Variants in DLC1 observed in about 807,000 individuals in gnomAD.
DLC1 encodes rho GTPase-activating protein 7.
In DLC1, 54 loss-of-function variants were observed where a neutral mutation model predicts 140.3. The observed-to-expected ratio is 0.38, with a 90% CI of 0.31 to 0.48. DLC1 has a LOEUF of 0.48. Among genes scored for constraint, DLC1 ranks in the 20% least tolerant of loss-of-function variants. The pLI is 0.96. For missense variants in DLC1, 2,536 were observed against 1,907.0 expected (o/e 1.33, Z -6.14); for synonymous variants, 986 against 728.1 (o/e 1.35, Z -5.70).
At chr8:13,568,675 T>C (rs1236264633) in intron 1 of DLC1, among the ~76,000 whole-genome samples, 1 of 152,080 alleles carries the variant, frequency 6.6e-6, no homozygotes, top group Non-Finnish European at 1.5e-5. Context: ...CAGAAAAGAT[T>C]GTGAAAAAAG....
chr8:13,391,401 C>G (rs1836755940), intron 4 of DLC1, among the ~76,000 whole-genome samples: 2 of 152,076 alleles, frequency 1.3e-5, no homozygotes, highest in South Asian at 2.1e-4. Flanking sequence ...TCCAAGTTAA[C>G]ATATTTTCAG....
intron 5 of DLC1, among the ~76,000 whole-genome samples, chr8:13,293,941 G>T (rs1831853090): frequency 6.6e-6 from 1 of 152,276 alleles, no homozygotes; most frequent in South Asian, 2.1e-4. Context: ...ATATAGTTCT[G>T]TAGCCAAAAA....
chr8:13,569,528 ATAATTT>A (rs1804572966), intron 1 of DLC1, among the ~76,000 whole-genome samples: 1 of 152,154 alleles, frequency 6.6e-6, no homozygotes, highest in Non-Finnish European at 1.5e-5. Context: ...AAAATTCTGA[ATAATTT>A]TCCCTTTAGA....
intron 5 of DLC1, chr8:13,133,132 C>A (rs1822263199): frequency 2.1e-6 from 3 of 1,457,874 alleles, no homozygotes; most frequent in East Asian, 5.0e-5. Flanking sequence ...CCCCTCGTCA[C>A]GGCCCCAGAA....
chr8:13,201,921 GTTTT>G lies in DLC1; in HGVS notation c.1349-86268_1349-86265del, dbSNP rs35475930. ...AGGTACTAAGTCTAGTACCCAAAAG[GTTTT>G]TTTTTTTTTTTTTTTTTTGGTTGGT... On this transcript the variant is annotated intron_variant, in intron 5 of 17. Coordinates refer to ENST00000276297, the MANE Select transcript of DLC1 (RefSeq NM_182643.3). Among the ~76,000 whole-genome samples, 233 of 101,752 alleles carry G rather than the reference GTTTT, an allele frequency of 2.3e-3. 1 individual carries two copies. Among genetic ancestry groups the G allele is most frequent in the African/African-American group, 7.4e-3 (203 of 27,550 alleles). 66.8% of individuals were successfully genotyped at this position (101,752 alleles called of 152,430 possible).
intron 5 of DLC1, among the ~76,000 whole-genome samples, chr8:13,143,813 TGAGAGAGAGAGAGAGAGAGAGAGA>T (rs35079610): frequency 2.3e-5 from 3 of 128,642 alleles, no homozygotes; most frequent in Non-Finnish European, 4.8e-5. Flanking sequence ...AATGAAAAGC[TGAGAGAGAGAGAGAGAGAGAGAGA>T]GAGAGAGAGA....
At chr8:13,088,434 G>C in intron 16 of DLC1, 53 bp downstream of exon 16, 1 of 1,567,666 alleles carries the variant, frequency 6.4e-7, no homozygotes, top group South Asian at 1.1e-5. Flanking sequence ...ATATAGGCTT[G>C]GTTCATATAT....
chr8:13,352,316 A>G (rs1200159771), intron 4 of DLC1, among the ~76,000 whole-genome samples: 1 of 152,352 alleles, frequency 6.6e-6, no homozygotes, highest in South Asian at 2.1e-4. Flanking sequence ...ATTCAGCTTC[A>G]TAAGTGCATT....
chr8:13,268,772 A>C (rs1407728668), intron 5 of DLC1, among the ~76,000 whole-genome samples: 3 of 151,804 alleles, frequency 2.0e-5, no homozygotes, highest in African/African-American at 7.3e-5. Flanking sequence ...TCTTGGCTCC[A>C]TGAGGGGAAG....
chr8:13,441,369 C>A (rs1259876504), intron 2 of DLC1, among the ~76,000 whole-genome samples: 1 of 152,082 alleles, frequency 6.6e-6, no homozygotes, highest in Non-Finnish European at 1.5e-5. Context: ...GGCAATCAGG[C>A]AGGAGAAGGA....
chr8:13,573,919 C>T (rs113080009), intron 1 of DLC1, among the ~76,000 whole-genome samples: 207 of 152,258 alleles, frequency 1.4e-3, no homozygotes, highest in African/African-American at 4.9e-3. Context: ...TTGTGAGCAA[C>T]GCAAGTGTAG....
intron 1 of DLC1, among the ~76,000 whole-genome samples, chr8:13,546,001 C>G (rs114105440): frequency 6.6e-6 from 1 of 151,948 alleles, no homozygotes; most frequent in Non-Finnish European, 1.5e-5. Flanking sequence ...TAGATACGTG[C>G]GTTGGCTTCC....
At chr8:13,350,436 C>G (rs1345518260) in intron 4 of DLC1, among the ~76,000 whole-genome samples, 1 of 152,072 alleles carries the variant, frequency 6.6e-6, no homozygotes, top group Non-Finnish European at 1.5e-5. Context: ...AAACACCAGG[C>G]CAGGCGTGGT....
At chr8:13,307,985 A>C (rs181267917) in intron 4 of DLC1, among the ~76,000 whole-genome samples, 284 of 152,320 alleles carry the variant, frequency 1.9e-3, no homozygotes, top group African/African-American at 6.6e-3. Context: ...TTTGTATGAG[A>C]CATTTAGGCA....
At position 13,567,314 on chromosome 8, in the gene DLC1, C is replaced by A. The variant is rs970878319; in HGVS notation, c.-126+37223G>T. The A allele has an allele frequency of 1.9e-6, 3 of 1,551,662 alleles. No individual in the cohort carries two copies. In the South Asian group the frequency reaches 3.6e-5, roughly 18 times the overall value. ...CGGCACCAACCAGACACCAAACTTC[C>A]AACAGAAATCACTCGGGTATCAGAT... On this transcript the variant is annotated intron_variant, in intron 1 of 1. Coordinates refer to the DLC1 transcript ENST00000631382.
intron 1 of DLC1, among the ~76,000 whole-genome samples, chr8:13,589,116 T>C (rs1284493962): frequency 6.6e-6 from 1 of 152,100 alleles, no homozygotes; most frequent in Non-Finnish European, 1.5e-5. Context: ...TTTCTTTGTA[T>C]TTTAACCACA....
chr8:13,088,159 C>T (rs182856939), intron 16 of DLC1, among the ~76,000 whole-genome samples: 5 of 152,174 alleles, frequency 3.3e-5, no homozygotes, highest in East Asian at 1.9e-4. Flanking sequence ...CAGCTCACTG[C>T]GGCCTCAAAC....
At chr8:13,572,310 C>T (rs1481478259) in intron 1 of DLC1, among the ~76,000 whole-genome samples, 3 of 151,974 alleles carry the variant, frequency 2.0e-5, no homozygotes, top group Admixed American at 6.6e-5. Flanking sequence ...AGGATGGTCT[C>T]GATCTCCTGA....
chr8:13,472,609 G>A (rs1368411097), intron 2 of DLC1, among the ~76,000 whole-genome samples: 2 of 152,146 alleles, frequency 1.3e-5, no homozygotes, highest in Non-Finnish European at 2.9e-5. Flanking sequence ...GCTGGTTCAT[G>A]TTTCATTGGG....
Sources: allele counts gnomAD v4.1 joint callset (sites outside exome capture counted in the v4.1 genomes callset), GRCh38; gene constraint gnomAD v4.1.1; transcripts MANE v1.5; gene names NCBI Gene and HGNC (gene_info 2026-07-23, HGNC 2026-07-21).